HSD17B12: variants seen among roughly 807,000 people sequenced by gnomAD.
HSD17B12 encodes the protein hydroxysteroid 17-beta dehydrogenase 12, also known as very-long-chain 3-oxoacyl-CoA reductase.
HSD17B12 carries 32 observed loss-of-function variants against 39.3 expected under a neutral mutation model. The ratio of observed to expected loss-of-function variants is 0.81; its 90% confidence interval spans 0.61 to 1.09. The LOEUF (loss-of-function observed/expected upper bound fraction) is 1.09. Ranked by LOEUF, HSD17B12 falls within the 50% of genes least tolerant of loss-of-function variation. The probability of loss-of-function intolerance (pLI) is 0.00; values close to 1 mark genes in which losing one functional copy is unlikely to be tolerated. For missense variants in HSD17B12, 342 were observed against 382.9 expected (o/e 0.89, Z 0.89); for synonymous variants, 150 against 146.7 (o/e 1.02, Z -0.16).
chr11:43,565,238 G>A, the HSD17B12 span, among the ~76,000 whole-genome samples: 8 of 152,244 alleles, frequency 5.3e-5, no homozygotes, highest in Admixed American at 1.3e-4. Context: ...CAGGCCCTTC[G>A]AGGAAGTGGC....
chr11:43,586,770 C>T, the HSD17B12 span, among the ~76,000 whole-genome samples: 7 of 152,154 alleles, frequency 4.6e-5, no homozygotes, highest in African/African-American at 9.7e-5. Context: ...TCAGCCACTT[C>T]GAGGCCATAT....
At chr11:43,631,971 C>A in the HSD17B12 span, among the ~76,000 whole-genome samples, 1 of 152,024 alleles carries the variant, frequency 6.6e-6, no homozygotes, top group Non-Finnish European at 1.5e-5. Flanking sequence ...GCTCTGGGGG[C>A]AGCTGGTCGG....
the HSD17B12 span, among the ~76,000 whole-genome samples, chr11:43,660,854 C>T: frequency 3.0e-4 from 45 of 152,308 alleles, 1 homozygote; most frequent in Non-Finnish European, 1.3e-4. Context: ...GCCGGGTTCT[C>T]TGGCTTATGC....
At chr11:43,839,414 C>T (rs1951403486) in intron 8 of HSD17B12, among the ~76,000 whole-genome samples, 1 of 152,106 alleles carries the variant, frequency 6.6e-6, no homozygotes, top group African/African-American at 2.4e-5. Context: ...TGAAAAGTCA[C>T]TTGATTCTTT....
the HSD17B12 span, among the ~76,000 whole-genome samples, chr11:43,572,417 G>A: frequency 2.0e-5 from 3 of 152,158 alleles, no homozygotes; most frequent in Non-Finnish European, 4.4e-5. Flanking sequence ...AACTCCACAT[G>A]TTGGGGGATA....
chr11:43,800,142 A>G (rs770446043), intron 4 of HSD17B12, among the ~76,000 whole-genome samples: 28 of 152,224 alleles, frequency 1.8e-4, no homozygotes, highest in Admixed American at 3.9e-4. Flanking sequence ...TCTGGAATAC[A>G]TAAGTCACCA....
intron 6 of HSD17B12, among the ~76,000 whole-genome samples, chr11:43,820,063 AC>A (rs1951166430): frequency 6.6e-6 from 1 of 152,142 alleles, no homozygotes; most frequent in African/African-American, 2.4e-5. Flanking sequence ...GCTTCTGATC[AC>A]AGTTGACTAG....
At chr11:43,697,473 A>T (rs1949922959) in intron 1 of HSD17B12, among the ~76,000 whole-genome samples, 1 of 152,238 alleles carries the variant, frequency 6.6e-6, no homozygotes, top group Admixed American at 6.5e-5. Context: ...TCTGCACATA[A>T]TGTAATAAGG....
chr11:43,686,160 C>T (rs190584463), intron 1 of HSD17B12, among the ~76,000 whole-genome samples: 72 of 152,302 alleles, frequency 4.7e-4, no homozygotes, highest in African/African-American at 1.3e-3. Context: ...CATATGCTTG[C>T]TGTTGACATT....
At chr11:43,676,419 C>T (rs1949695602), upstream of HSD17B12, among the ~76,000 whole-genome samples, 1 of 152,042 alleles carries the variant, frequency 6.6e-6, no homozygotes, top group Non-Finnish European at 1.5e-5. Context: ...TATTTAAAAC[C>T]AAGGGACTGG....
chr11:43,582,710 C>T, the HSD17B12 span, among the ~76,000 whole-genome samples: 106 of 152,300 alleles, frequency 7.0e-4, no homozygotes, highest in African/African-American at 2.3e-3. Context: ...AACACCCGGA[C>T]TCTACCCTCT....
At chr11:43,595,960 T>G in the HSD17B12 span, among the ~76,000 whole-genome samples, 1 of 152,254 alleles carries the variant, frequency 6.6e-6, no homozygotes, top group Non-Finnish European at 1.5e-5. Flanking sequence ...TCATTTTGAT[T>G]GCACTCATTC....
chr11:43,803,961 C>CA (rs1950994825), intron 4 of HSD17B12, among the ~76,000 whole-genome samples: 3 of 152,298 alleles, frequency 2.0e-5, no homozygotes, highest in Non-Finnish European at 4.4e-5. Context: ...TTAGGAGAGA[C>CA]TCTCATGTGT....
At position 43,706,026 on chromosome 11, in the gene HSD17B12, C is replaced by T. The variant is rs542627215; in HGVS notation, c.160+25039C>T. Among the ~76,000 whole-genome samples the T allele has an allele frequency of 9.2e-5, 14 of 151,928 alleles. No homozygotes were observed. The South Asian group carries it at 2.3e-3, about 25-fold the overall frequency. On this transcript the variant is annotated intron_variant, in intron 1 of 10. Transcript: ENST00000278353. ...AGAAATGGTGGGGAAATGTACCATC[C>T]GGGTCACTGAAAAGCTGGAGCAAAG...
In HSD17B12 at chr11:43,798,398, G is replaced by T. The variant is rs569663277; in HGVS notation, c.362G>T (p.Gly121Val). The T allele has an allele frequency of 3.3e-5, 53 of 1,611,372 alleles. No homozygotes were observed. Among genetic ancestry groups the T allele is most frequent in the Non-Finnish European group, 4.2e-5 (50 of 1,178,388 alleles). ...SEDIYDKIKT[G>V]LAGLEIGILV... ...GATATTTATGATAAAATTAAAACAG[G>T]CTTGGCTGGTCTTGAAATCGGCATC... Residue 121 changes from glycine (G) to valine (V), a missense_variant, in exon 4 of 11, where the codon GGC becomes GTC. Coordinates refer to ENST00000278353, the MANE Select transcript of HSD17B12 (RefSeq NM_016142.3).
chr11:43,703,878 T>A (rs968922034), intron 1 of HSD17B12, among the ~76,000 whole-genome samples: 1 of 152,196 alleles, frequency 6.6e-6, no homozygotes, highest in Non-Finnish European at 1.5e-5. Flanking sequence ...TGATCTTTTG[T>A]ATTTTTTTTC....
intron 1 of HSD17B12, among the ~76,000 whole-genome samples, chr11:43,722,833 G>A (rs202124152): frequency 2.7e-5 from 4 of 150,076 alleles, no homozygotes; most frequent in East Asian, 2.0e-4. Flanking sequence ...TGGGCAACAA[G>A]AAAAAAAAAA....
chr11:43,689,299 T>C (rs1047709373), intron 1 of HSD17B12, among the ~76,000 whole-genome samples: 1 of 152,178 alleles, frequency 6.6e-6, no homozygotes, highest in Non-Finnish European at 1.5e-5. Flanking sequence ...CAGAATCTAG[T>C]GAGTTCTAAG....
At chr11:43,752,631 T>C (rs1166899305) in intron 2 of HSD17B12, among the ~76,000 whole-genome samples, 5 of 152,068 alleles carry the variant, frequency 3.3e-5, no homozygotes. Context: ...GGAGAATCGC[T>C]TGAACCCAGG....
Sources: gnomAD v4.1 joint callset for allele counts (sites outside exome capture counted in the v4.1 genomes callset) on GRCh38, gnomAD v4.1.1 for gene constraint, MANE v1.5 for transcripts, NCBI Gene and HGNC (gene_info 2026-07-23, HGNC 2026-07-21) for gene names.